RSRC1: variants seen among roughly 807,000 people sequenced by gnomAD.
RSRC1 encodes the protein serine/Arginine-related protein 53.
In RSRC1, 39 loss-of-function variants were observed where a neutral mutation model predicts 49.1. The ratio of observed to expected loss-of-function variants is 0.79; its 90% CI spans 0.61 to 1.04. The LOEUF is 1.04. Ranked by LOEUF, RSRC1 falls within the 50% of genes least tolerant of loss-of-function variation. The pLI is 0.00. For missense variants in RSRC1, 388 were observed against 402.4 expected (o/e 0.96, Z 0.31); for synonymous variants, 143 against 130.8 (o/e 1.09, Z -0.63).
chr3:158,212,625 AAC>A (rs1721746491), intron 4 of RSRC1, among the ~76,000 whole-genome samples: 1 of 151,914 alleles, frequency 6.6e-6, no homozygotes, highest in Non-Finnish European at 1.5e-5. Flanking sequence ...ACCAGACTTA[AAC>A]ACACTATTTC....
At chr3:158,196,998 G>C (rs1720665284) in intron 3 of RSRC1, among the ~76,000 whole-genome samples, 1 of 152,194 alleles carries the variant, frequency 6.6e-6, no homozygotes, top group Non-Finnish European at 1.5e-5. Flanking sequence ...TTTGGTATCA[G>C]AATGATGCCG....
chr3:158,274,657 C>T (rs1398376595), intron 4 of RSRC1, among the ~76,000 whole-genome samples: 1 of 152,110 alleles, frequency 6.6e-6, no homozygotes, highest in Non-Finnish European at 1.5e-5. Context: ...TTCCTTTACA[C>T]TCAAACTCAA....
chr3:158,123,798 A>G, intron 2 of RSRC1, 68 bp from the exon 3 acceptor site: 1 of 1,410,476 alleles, frequency 7.1e-7, no homozygotes, highest in Non-Finnish European at 9.7e-7. Flanking sequence ...TAGAATCTAG[A>G]AGGTTTTTCC....
chr3:158,373,348 G>T (rs554661531), intron 6 of RSRC1, among the ~76,000 whole-genome samples: 110 of 151,998 alleles, frequency 7.2e-4, no homozygotes, highest in African/African-American at 2.6e-3. Context: ...CATTAAGCAA[G>T]ATGTAAACTG....
At chr3:158,322,117 A>T (rs1310831380) in intron 5 of RSRC1, among the ~76,000 whole-genome samples, 1 of 152,162 alleles carries the variant, frequency 6.6e-6, no homozygotes, top group East Asian at 1.9e-4. Flanking sequence ...TACTTACTTC[A>T]GTATTTCTTG....
chr3:158,316,174 A>G (rs1295173701), intron 5 of RSRC1, among the ~76,000 whole-genome samples: 3 of 151,536 alleles, frequency 2.0e-5, no homozygotes, highest in Admixed American at 2.0e-4. Flanking sequence ...TCGGTCTCAA[A>G]AAAAAAAAAA....
intron 6 of RSRC1, among the ~76,000 whole-genome samples, chr3:158,443,878 T>C (rs1048787053): frequency 2.0e-5 from 3 of 152,142 alleles, no homozygotes; most frequent in African/African-American, 7.2e-5. Flanking sequence ...TGATGGGCCT[T>C]ATTTCAGTAT....
chr3:158,508,151 AT>A (rs1739954210), intron 7 of RSRC1, among the ~76,000 whole-genome samples: 1 of 152,164 alleles, frequency 6.6e-6, no homozygotes, highest in South Asian at 2.1e-4. Context: ...CTTTAAAAAA[AT>A]TTAGTCTTTC....
chr3:158,195,989 T>C (rs952926050), intron 3 of RSRC1, among the ~76,000 whole-genome samples: 1 of 152,134 alleles, frequency 6.6e-6, no homozygotes, highest in African/African-American at 2.4e-5. Context: ...GGGCTCTTTT[T>C]TGGTTCCATA....
intron 4 of RSRC1, among the ~76,000 whole-genome samples, chr3:158,225,214 A>G (rs1439042718): frequency 6.6e-6 from 1 of 151,800 alleles, no homozygotes; most frequent in Non-Finnish European, 1.5e-5. Context: ...AGGTTAAGTG[A>G]TACATTTTTC....
At chr3:158,414,102 T>G (rs1217465620) in intron 6 of RSRC1, among the ~76,000 whole-genome samples, 4 of 152,324 alleles carry the variant, frequency 2.6e-5, no homozygotes, top group African/African-American at 9.6e-5. Context: ...CATGCACATG[T>G]ATGTTCATGG....
At chr3:158,275,655 T>G (rs1725766178) in intron 4 of RSRC1, among the ~76,000 whole-genome samples, 1 of 152,240 alleles carries the variant, frequency 6.6e-6, no homozygotes, top group Non-Finnish European at 1.5e-5. Context: ...ACACCATCAC[T>G]TATTGTCTTC....
At chr3:158,316,972 A>G (rs1403629559) in intron 5 of RSRC1, among the ~76,000 whole-genome samples, 1 of 152,244 alleles carries the variant, frequency 6.6e-6, no homozygotes, top group Non-Finnish European at 1.5e-5. Flanking sequence ...GGCTACAGTA[A>G]AAATCACTTT....
chr3:158,225,725 G>T (rs1315425206), intron 4 of RSRC1: 1 of 451,360 alleles, frequency 2.2e-6, no homozygotes, highest in Non-Finnish European at 4.4e-6. Flanking sequence ...GTTTTAGGAA[G>T]ACCAAATTGT....
Position 158,138,761 on chromosome 3 carries a change from AT to A in RSRC1, c.320+14772del, listed in dbSNP as rs778137088. ...GTATTCAGGAGGAAAAGGATAATTC[AT>A]TAAGTTAAAATTATTTTCCCCAAGT... On this transcript the variant is annotated intron_variant, in intron 3 of 9. Coordinates refer to ENST00000611884, the MANE Select transcript of RSRC1 (RefSeq NM_001271838.2). Among the ~76,000 whole-genome samples the A allele has an allele frequency of 3.1e-4, 47 of 152,340 alleles. No individual in the cohort carries two copies. The South Asian group carries it at 4.8e-3, about 15-fold the overall frequency.
intron 4 of RSRC1, among the ~76,000 whole-genome samples, chr3:158,229,390 A>ATG (rs1559952782): frequency 9.3e-6 from 1 of 107,412 alleles, no homozygotes; most frequent in Non-Finnish European, 2.2e-5. Context: ...GTATGTGTAT[A>ATG]TATATACACA....
intron 6 of RSRC1, among the ~76,000 whole-genome samples, chr3:158,455,013 G>A (rs1334332161): frequency 6.6e-6 from 1 of 152,050 alleles, no homozygotes; most frequent in African/African-American, 2.4e-5. Context: ...CACATACAAG[G>A]GAGGTACCAT....
intron 9 of RSRC1, 31 bp from the exon 10 acceptor site, chr3:158,544,151 TA>T: frequency 1.4e-6 from 2 of 1,469,052 alleles, no homozygotes; most frequent in Non-Finnish European, 1.9e-6. Flanking sequence ...TGGGAGACAG[TA>T]ACATTTTTTC....
At chr3:158,315,302 T>C (rs1728367851) in intron 5 of RSRC1, among the ~76,000 whole-genome samples, 4 of 152,084 alleles carry the variant, frequency 2.6e-5, no homozygotes. Context: ...AACCTTGTAG[T>C]AACACACAGG....
Sources: gnomAD v4.1 joint callset for allele counts (sites outside exome capture counted in the v4.1 genomes callset) on GRCh38, gnomAD v4.1.1 for gene constraint, MANE v1.5 for transcripts, NCBI Gene and HGNC (gene_info 2026-07-23, HGNC 2026-07-21) for gene names.